TRPM7: variants seen among roughly 807,000 people sequenced by gnomAD.
The protein encoded by TRPM7 is transient receptor potential cation channel subfamily M member 7, also known as LTRPC ion channel family member 7.
Under a neutral mutation model 229.7 loss-of-function variants are expected in TRPM7, and 134 were observed. The ratio of observed to expected loss-of-function variants is 0.58; its 90% confidence interval spans 0.51 to 0.67. The LOEUF is 0.67. Ranked by LOEUF, TRPM7 falls within the 30% of genes least tolerant of loss-of-function variation. The pLI is 0.00. For missense variants in TRPM7, 1,901 were observed against 2,210.0 expected (o/e 0.86, Z 2.80); for synonymous variants, 699 against 715.2 (o/e 0.98, Z 0.36).
chr15:50,629,824 T>A (rs1011379845), intron 10 of TRPM7, among the ~76,000 whole-genome samples: 8 of 150,396 alleles, frequency 5.3e-5, no homozygotes, highest in African/African-American at 1.9e-4. Flanking sequence ...AAGTACATGG[T>A]AAATAATTCA....
At chr15:50,622,441 A>T (rs574576950) in intron 12 of TRPM7, among the ~76,000 whole-genome samples, 1 of 152,238 alleles carries the variant, frequency 6.6e-6, no homozygotes, top group Non-Finnish European at 1.5e-5. Context: ...TAATGGGATC[A>T]ATTTTTATTT....
intron 7 of TRPM7, among the ~76,000 whole-genome samples, chr15:50,635,193 TG>T (rs908271558): frequency 4.0e-5 from 6 of 151,590 alleles, no homozygotes; most frequent in African/African-American, 1.5e-4. Flanking sequence ...GGCAAGCACC[TG>T]TAGTCCCAGC....
chr15:50,607,306 A>T lies in TRPM7; in HGVS notation c.2603T>A (p.Met868Lys). ...TACAAGAACCACAAATGTATAAAGCATCAGAAATCCTAAATATGCCAACTA... is the reference window on the plus strand; with the variant it reads ...TACAAGAACCACAAATGTATAAAGCTTCAGAAATCCTAAATATGCCAACTA... ...FNTLAYLGFL[M>K]LYTFVVLVQM... Residue 868 changes from methionine (M) to lysine (K), a missense_variant, in exon 20 of 39, where the codon ATG becomes AAG. Met to Lys is a moderately conservative substitution (Grantham distance 95). Coordinates refer to ENST00000646667, the MANE Select transcript of TRPM7 (RefSeq NM_017672.6). 2 of 1,588,676 alleles carry T rather than the reference A, an allele frequency of 1.3e-6. No individual in the cohort carries two copies. The highest frequency in any genetic ancestry group is 1.7e-6 in the Non-Finnish European group (2 of 1,169,316).
chr15:50,673,061 C>A (rs573073956), intron 1 of TRPM7, among the ~76,000 whole-genome samples: 3 of 151,590 alleles, frequency 2.0e-5, no homozygotes, highest in Non-Finnish European at 4.4e-5. Flanking sequence ...AGTAAGCTAG[C>A]GTTAATTTAT....
rs1197741443 is a variant in TRPM7, at chr15:50,632,984, G to A, written c.1016C>T (p.Pro339Leu). The A allele has an allele frequency of 2.3e-5, 36 of 1,578,280 alleles. No individual in the cohort carries two copies. The highest frequency in any genetic ancestry group is 2.6e-5 in the Non-Finnish European group (31 of 1,170,166). Residue 339 changes from proline (P) to leucine (L), a missense_variant, in exon 9 of 39, where the codon CCT becomes CTT. Physicochemically the swap from Pro to Leu is moderately conservative, Grantham distance 98. Coordinates refer to ENST00000646667, the MANE Select transcript of TRPM7 (RefSeq NM_017672.6). ...HKQTEEGGNL[P>L]DAAEPDIIST... ...AATAATATCGGGCTCTGCTGCATCA[G>A]GAAGATTCCTGGAATAAAAGGAAAC... is the stretch of plus-strand genomic sequence containing the variant.
intron 21 of TRPM7, 87 bp from the exon 22 acceptor site, chr15:50,599,383 CA>C: frequency 1.6e-5 from 14 of 895,530 alleles, no homozygotes; most frequent in South Asian, 2.9e-5. Flanking sequence ...TCTAATAGAC[CA>C]AAAAAATCCA....
intron 30 of TRPM7, 135 bp from the exon 31 acceptor site, chr15:50,578,799 T>C (rs2054261206): frequency 2.4e-6 from 1 of 422,528 alleles, no homozygotes; most frequent in East Asian, 4.7e-5. Context: ...TCCCTTTGAA[T>C]ATTTGCCATT....
In TRPM7 at chr15:50,609,803, T is replaced by C. The variant is rs1448707947; in HGVS notation, c.2436+3A>G. On this transcript the variant is annotated splice_donor_region_variant and intron_variant, in intron 18 of 38. Transcript: ENST00000646667. ...ATTTACTTTAAAATGTTTTCCTGCT[T>C]ACCATGGGGATCTCTTCTGTTATGT... 8.1e-6 allele frequency: 13 copies of C among 1,606,004 alleles called. No individual in the cohort carries two copies. The highest frequency in any genetic ancestry group is 1.1e-5 in the Non-Finnish European group (13 of 1,177,592).
At chr15:50,586,548 C>T in intron 27 of TRPM7, 60 bp from the exon 28 acceptor site, 5 of 1,113,830 alleles carry the variant, frequency 4.5e-6, no homozygotes, top group Non-Finnish European at 6.7e-6. Flanking sequence ...CAACCCATTA[C>T]TCTAAGTAGT....
At chr15:50,571,710 C>T (rs1318373121) in intron 36 of TRPM7, among the ~76,000 whole-genome samples, 3 of 143,232 alleles carry the variant, frequency 2.1e-5, no homozygotes, top group African/African-American at 7.3e-5. Context: ...AAGATGGGAA[C>T]ACTTTGTTCT....
At chr15:50,663,381 C>G (rs957851575) in intron 1 of TRPM7, among the ~76,000 whole-genome samples, 4 of 152,348 alleles carry the variant, frequency 2.6e-5, no homozygotes, top group Non-Finnish European at 5.9e-5. Context: ...CTGCCTCGGC[C>G]TCCCAAAGTG....
chr15:50,647,035 T>A (rs1177099792), intron 4 of TRPM7, among the ~76,000 whole-genome samples: 2 of 152,240 alleles, frequency 1.3e-5, no homozygotes, highest in African/African-American at 2.4e-5. Context: ...TGAAATTGCC[T>A]AACACATCTC....
chr15:50,642,858 C>CG (rs1254123924), intron 5 of TRPM7, among the ~76,000 whole-genome samples: 1 of 150,928 alleles, frequency 6.6e-6, no homozygotes, highest in Non-Finnish European at 1.5e-5. Flanking sequence ...TAAAGTGTTG[C>CG]GTTTTTTTTT....
At chr15:50,638,358 C>CAAAAAAAAAAAA (rs60939201) in intron 6 of TRPM7, among the ~76,000 whole-genome samples, 1 of 42,270 alleles carries the variant, frequency 2.4e-5, no homozygotes, top group African/African-American at 1.2e-4. Flanking sequence ...GACTCCGTCT[C>CAAAAAAAAAAAA]AAAAAAAAAA....
intron 21 of TRPM7, among the ~76,000 whole-genome samples, chr15:50,600,424 G>A (rs1478799788): frequency 1.3e-5 from 2 of 148,222 alleles, no homozygotes; most frequent in South Asian, 2.1e-4. Context: ...GAGACAGAGC[G>A]AGACTCCATC....
At chr15:50,658,476 GGGA>G (rs2061639736) in intron 2 of TRPM7, among the ~76,000 whole-genome samples, 1 of 151,766 alleles carries the variant, frequency 6.6e-6, no homozygotes, top group Non-Finnish European at 1.5e-5. Context: ...AGGCTGAGGT[GGGA>G]GGATTCCTTG....
At chr15:50,581,510 TAATA>T (rs1280293795) in intron 29 of TRPM7, among the ~76,000 whole-genome samples, 7 of 146,862 alleles carry the variant, frequency 4.8e-5, no homozygotes, top group Admixed American at 4.2e-4. Flanking sequence ...AAAAAAAAAA[TAATA>T]AATATATATA....
intron 9 of TRPM7, 137 bp downstream of exon 9, chr15:50,632,732 C>A: frequency 1.2e-6 from 1 of 818,182 alleles, no homozygotes; most frequent in Non-Finnish European, 1.8e-6. Flanking sequence ...CAATAAATGA[C>A]ATATTTTTAT....
rs775896551 is a variant in TRPM7, at chr15:50,592,432, A to G, written c.3803T>C (p.Leu1268Pro). 2 of 1,614,188 alleles carry G rather than the reference A, an allele frequency of 1.2e-6. No homozygotes were observed. The highest frequency in any genetic ancestry group is 1.7e-6 in the Non-Finnish European group (2 of 1,180,038). ...SKVHNEITRE[L>P]SISKHLAQNL... ...TTGAGCCAAGTGTTTGGAAATGCTC[A>G]GTTCTCGTGTGATTTCATTATGAAC... The change falls in exon 26 of 39, where the codon CTG becomes CCG. Residue 1268 changes from leucine to proline, a missense_variant. Around this residue, in one of 8 missense-constraint regions of TRPM7, gnomAD observed 533 missense variants for 497.1 expected, o/e 1.07. Transcript: ENST00000646667.
Sources: gnomAD v4.1 joint callset for allele counts (sites outside exome capture counted in the v4.1 genomes callset) on GRCh38, gnomAD v4.1.1 for gene constraint, gnomAD v4.1.1 regional missense constraint, MANE v1.5 for transcripts, NCBI Gene and HGNC (gene_info 2026-07-23, HGNC 2026-07-21) for gene names.